The following KCNK3 variants were observed in gnomAD, a reference collection of about 807,000 sequenced individuals.
KCNK3 encodes potassium channel subfamily K member 3.
KCNK3 carries 9 observed loss-of-function variants against 27.3 expected under a neutral mutation model. That is an observed-to-expected ratio of 0.33 (90% CI 0.20 to 0.57). The LOEUF (loss-of-function observed/expected upper bound fraction) is 0.57, where lower values mean the gene tolerates loss of function less well. KCNK3 is among the 20% of genes least tolerant of loss of function. The pLI is 0.87. For missense variants in KCNK3, 391 were observed against 577.7 expected (o/e 0.68, Z 3.31); for synonymous variants, 278 against 273.8 (o/e 1.02, Z -0.15).
intron 1 of KCNK3, among the ~76,000 whole-genome samples, chr2:26,715,703 G>A (rs865838102): frequency 1.3e-5 from 2 of 152,178 alleles, no homozygotes; most frequent in Non-Finnish European, 2.9e-5. Context: ...TGTAGGGGCC[G>A]GGTCGGGGAT....
chr2:26,726,329 G>A (rs1293885391), intron 1 of KCNK3, among the ~76,000 whole-genome samples: 1 of 152,150 alleles, frequency 6.6e-6, no homozygotes. Context: ...GGGGATCCTA[G>A]AGGACAGGGG....
At chr2:26,718,991 G>GA (rs2148266239) in intron 1 of KCNK3, among the ~76,000 whole-genome samples, 1 of 152,310 alleles carries the variant, frequency 6.6e-6, no homozygotes, top group South Asian at 2.1e-4. Context: ...ACATGATGTG[G>GA]TAGTTTTCTA....
At chr2:26,708,628 G>A (rs1333177600) in intron 1 of KCNK3, among the ~76,000 whole-genome samples, 3 of 152,208 alleles carry the variant, frequency 2.0e-5, no homozygotes, top group Non-Finnish European at 2.9e-5. Flanking sequence ...GCAGCGAGCC[G>A]AGATCGCGCT....
intron 1 of KCNK3, chr2:26,724,692 T>C (rs1663381145): frequency 1.3e-5 from 11 of 817,346 alleles, no homozygotes; most frequent in Non-Finnish European, 1.6e-5. Flanking sequence ...TGGTGGAGCA[T>C]GAGGTGCTGC....
chr2:26,703,544 G>T (rs992943081), intron 1 of KCNK3, among the ~76,000 whole-genome samples: 1 of 152,208 alleles, frequency 6.6e-6, no homozygotes, highest in African/African-American at 2.4e-5. Context: ...TGTCCTTGGG[G>T]CCCTGAGGCC....
rs957875609 is a variant in KCNK3, at chr2:26,693,557, C to G, written c.283+399C>G. On this transcript the variant is annotated intron_variant, in intron 1 of 1. Coordinates refer to ENST00000302909, the MANE Select transcript of KCNK3 (RefSeq NM_002246.3). The surrounding 1 kb of genome is among the most constrained non-coding windows in gnomAD (Gnocchi z 5.5). ...GCCAGTGCTCCGTATCCCTGAGGAT[C>G]GGCTTCCACAGCCTAGCAGGTCTAC... 6.6e-6 allele frequency among the ~76,000 whole-genome samples: 1 copy of G among 152,188 alleles called. No individual in the cohort carries two copies. Among genetic ancestry groups the G allele is most frequent in the Non-Finnish European group, 1.5e-5 (1 of 68,020 alleles).
intron 1 of KCNK3, among the ~76,000 whole-genome samples, chr2:26,725,292 G>C (rs1663395999): frequency 6.6e-6 from 1 of 152,188 alleles, no homozygotes; most frequent in Non-Finnish European, 1.5e-5. Context: ...CTAACGCCCA[G>C]TCTCTCCTGT....
intron 1 of KCNK3, among the ~76,000 whole-genome samples, chr2:26,698,822 G>A (rs1057392263): frequency 6.6e-6 from 1 of 152,120 alleles, no homozygotes; most frequent in Admixed American, 6.5e-5. Flanking sequence ...GGGGCTGGGC[G>A]TGGTGGCTCA....
At chr2:26,719,305 A>G (rs1333278338) in intron 1 of KCNK3, among the ~76,000 whole-genome samples, 1 of 151,904 alleles carries the variant, frequency 6.6e-6, no homozygotes, top group African/African-American at 2.4e-5. Context: ...CCCCACACCA[A>G]CCCCATTTGT....
chr2:26,711,327 C>T (rs1663105847), intron 1 of KCNK3, among the ~76,000 whole-genome samples: 1 of 152,214 alleles, frequency 6.6e-6, no homozygotes, highest in African/African-American at 2.4e-5. Flanking sequence ...CTGGTGCAGA[C>T]ATCAAGGAAC....
At chr2:26,724,259 G>A (rs910749402) in intron 1 of KCNK3, among the ~76,000 whole-genome samples, 11 of 152,232 alleles carry the variant, frequency 7.2e-5, no homozygotes, top group Non-Finnish European at 1.2e-4. Context: ...TTGGAGAAGC[G>A]TCTGACTGCC....
Position 26,729,835 on chromosome 2 carries a change from C to CA in KCNK3, c.*1284dup, listed in dbSNP as rs71401508. The CA allele has an allele frequency of 0.56, 70,063 of 125,618 alleles. 20,294 individuals are homozygous for CA. Among genetic ancestry groups the CA allele is most frequent in the East Asian group, 0.78 (3,318 of 4,276 alleles). 7.8% of individuals were successfully genotyped at this position (125,618 alleles called of 1,614,324 possible). ...TGGGTGACAGGGCAAGACCCTGTCT[C>CA]AAAAAAAAAAAAAAAAATGGCAAAG... On this transcript the variant is annotated 3_prime_UTR_variant, in exon 2 of 2. Coordinates refer to ENST00000302909, the MANE Select transcript of KCNK3 (RefSeq NM_002246.3).
Position 26,727,962 on chromosome 2 carries a change from C to T in KCNK3, c.579C>T (p.Cys193=), listed in dbSNP as rs760730673. The part of the protein sequence containing the change: ...HWTFFQAYYY[C]FITLTTIGFG... ...CCTTCTTCCAGGCCTACTACTACTG[C>T]TTCATCACCCTCACCACCATCGGCT... Residue 193 remains cysteine, a synonymous_variant, in exon 2 of 2, where the codon TGC becomes TGT. Coordinates refer to ENST00000302909, the MANE Select transcript of KCNK3 (RefSeq NM_002246.3). The T allele has an allele frequency of 1.2e-5, 19 of 1,614,136 alleles. No homozygotes were observed. The highest frequency in any genetic ancestry group is 1.5e-5 in the Non-Finnish European group (18 of 1,180,054).
At chr2:26,724,231 G>T (rs1663371779) in intron 1 of KCNK3, among the ~76,000 whole-genome samples, 1 of 152,232 alleles carries the variant, frequency 6.6e-6, no homozygotes, top group African/African-American at 2.4e-5. Context: ...GGGGTGGGGG[G>T]CACCCTAAGC....
In KCNK3 at chr2:26,728,465, G is replaced by T. The variant is rs749116440; in HGVS notation, c.1082G>T (p.Cys361Phe). The change falls in exon 2 of 2, where the codon TGC (cysteine) becomes TTC (phenylalanine). Residue 361 changes from cysteine to phenylalanine, a missense_variant. Transcript: ENST00000302909. ...GRYSDTPSRR[C>F]LCSGAPRSAI... ...TACAGCGACACGCCCTCGCGACGCT[G>T]CCTGTGCAGCGGGGCGCCACGCTCC... 26 of 1,568,078 alleles carry T rather than the reference G, an allele frequency of 1.7e-5. No homozygotes were observed. The South Asian group carries it at 2.9e-4, about 17-fold the overall frequency.
In KCNK3 at chr2:26,692,988, G is replaced by A; in HGVS notation, c.113G>A (p.Arg38Gln). 6.4e-7 allele frequency: 1 copy of A among 1,573,700 alleles called. No homozygotes were observed. The highest frequency in any genetic ancestry group is 1.1e-5 in the South Asian group (1 of 87,360). ...GAGTCGGAGCCCGAGCTGATCGAGC[G>A]GCAGCGGCTGGAGCTGCGGCAGCAG... Reference protein sequence around the residue: ...ALESEPELIERQRLELRQQEL... With the variant: ...ALESEPELIEQQRLELRQQEL... Residue 38 changes from arginine (R) to glutamine (Q), a missense_variant, in exon 1 of 2, where the codon CGG (arginine) becomes CAG (glutamine). By Grantham distance (43) the Arg-to-Gln change is conservative (BLOSUM62 1). Around this residue, in one of 4 missense-constraint regions of KCNK3, gnomAD observed 158 missense variants for 267.7 expected, o/e 0.59. Transcript: ENST00000302909. This position sits in a 1 kb window ranked among gnomAD's most constrained non-coding sequence, Gnocchi z 5.6.
At chr2:26,711,448 C>T (rs1302708737) in intron 1 of KCNK3, among the ~76,000 whole-genome samples, 3 of 152,206 alleles carry the variant, frequency 2.0e-5, no homozygotes, top group Admixed American at 1.3e-4. Context: ...AGTCTCCACT[C>T]CAATTTCTCC....
rs183278570 is a variant in KCNK3 at position 26,713,940 on chromosome 2, G to A, written c.284-13727G>A. ...AAAACACAAAAATTATCCAGGCGTGGTAGTGGGCACCTGTAATCCCAGCTA... is the reference window on the plus strand; with the variant it reads ...AAAACACAAAAATTATCCAGGCGTGATAGTGGGCACCTGTAATCCCAGCTA... On this transcript the variant is annotated intron_variant, in intron 1 of 1. Coordinates refer to ENST00000302909, the MANE Select transcript of KCNK3 (RefSeq NM_002246.3). 3.3e-5 allele frequency among the ~76,000 whole-genome samples: 5 copies of A among 151,220 alleles called. No individual in the cohort carries two copies. In the South Asian group the frequency reaches 8.3e-4, roughly 25 times the overall value.
At chr2:26,707,753 C>T (rs1418597849) in intron 1 of KCNK3, among the ~76,000 whole-genome samples, 2 of 152,226 alleles carry the variant, frequency 1.3e-5, no homozygotes, top group Non-Finnish European at 2.9e-5. Context: ...CCTGCAGATG[C>T]TTCAGATTCT....
Sources: allele counts gnomAD v4.1 joint callset (sites outside exome capture counted in the v4.1 genomes callset), GRCh38; gene constraint gnomAD v4.1.1; regional missense constraint gnomAD v4.1.1; non-coding constraint Gnocchi (gnomAD v3.1); transcripts MANE v1.5; gene names NCBI Gene and HGNC (gene_info 2026-07-23, HGNC 2026-07-21).